The following RAB30 variants were observed in gnomAD, a reference collection of about 807,000 sequenced individuals.
The protein encoded by RAB30 is RAB30, member RAS oncogene family, also known as ras-related protein Rab-30.
Under a neutral mutation model 25.1 loss-of-function variants are expected in RAB30, and 9 were observed. The observed-to-expected ratio is 0.36, with a 90% CI of 0.22 to 0.63. The LOEUF (loss-of-function observed/expected upper bound fraction) is 0.63, where lower values mean the gene tolerates loss of function less well. Ranked by LOEUF, RAB30 falls within the 20% of genes least tolerant of loss-of-function variation. The pLI is 0.69. For synonymous variants in RAB30, 77 were observed against 86.4 expected (o/e 0.89, Z 0.60); for missense variants, 140 against 243.5 (o/e 0.58, Z 2.83).
At chr11:82,992,527 C>G (rs2121453096) in intron 3 of RAB30, 1 of 363,692 alleles carries the variant, frequency 2.7e-6, no homozygotes, top group Non-Finnish European at 5.5e-6. Context: ...CTGCTCTTCC[C>G]AAGGCACTCA....
At chr11:82,995,652 TG>T (rs1856941856) in intron 2 of RAB30, among the ~76,000 whole-genome samples, 1 of 152,236 alleles carries the variant, frequency 6.6e-6, no homozygotes, top group Non-Finnish European at 1.5e-5. Context: ...AAGAGCTTGT[TG>T]GCAAAAAATT....
chr11:83,043,231 C>G lies in RAB30; in HGVS notation c.-9+28460G>C, dbSNP rs75644035. Among the ~76,000 whole-genome samples the G allele has an allele frequency of 4.9e-3, 743 of 152,280 alleles. 21 individuals are homozygous for G. The East Asian group carries it at 0.054, about 11-fold the overall frequency. On this transcript the variant is annotated intron_variant, in intron 1 of 4. Coordinates refer to ENST00000527633, the MANE Select transcript of RAB30 (RefSeq NM_001286060.2). ...CCTTCCCATAAGCCATGGAAACAAGCCTGTTCTAGCCTGTTCTAGACCCCT... is the reference window on the plus strand; with the variant it reads ...CCTTCCCATAAGCCATGGAAACAAGGCTGTTCTAGCCTGTTCTAGACCCCT...
In RAB30 at chr11:83,012,130, T is replaced by C. The variant is rs114678624; in HGVS notation, c.-8-14806A>G. Among the ~76,000 whole-genome samples, 611 of 152,262 alleles carry C rather than the reference T, an allele frequency of 4.0e-3. 9 individuals are homozygous for C. The highest frequency in any genetic ancestry group is 0.014 in the African/African-American group (577 of 41,546). ...ATATGCATGTCTTCCAAAGACTCTG[T>C]CCTCTGTTCTAAGGATAGAGGAAAA... On this transcript the variant is annotated intron_variant, in intron 1 of 4. Transcript: ENST00000527633.
At chr11:83,069,671 C>G (rs967265499) in intron 1 of RAB30, among the ~76,000 whole-genome samples, 13 of 152,176 alleles carry the variant, frequency 8.5e-5, no homozygotes, top group East Asian at 5.8e-4. Context: ...CACTTGAAGA[C>G]TACTTATTCC....
chr11:83,049,241 T>C (rs1858300504), intron 1 of RAB30, among the ~76,000 whole-genome samples: 1 of 151,672 alleles, frequency 6.6e-6, no homozygotes, highest in African/African-American at 2.4e-5. Context: ...GAAACCCCCA[T>C]CTCTACTAAA....
At chr11:83,019,316 A>T (rs1857511459) in intron 1 of RAB30, among the ~76,000 whole-genome samples, 1 of 152,240 alleles carries the variant, frequency 6.6e-6, no homozygotes, top group African/African-American at 2.4e-5. Context: ...ATGAGCCACC[A>T]CACCAGGCCA....
At chr11:83,017,335 A>C (rs1857460512) in intron 1 of RAB30, among the ~76,000 whole-genome samples, 1 of 152,118 alleles carries the variant, frequency 6.6e-6, no homozygotes, top group African/African-American at 2.4e-5. Context: ...GAGACCCTGT[A>C]TCAAAATAAT....
intron 1 of RAB30, among the ~76,000 whole-genome samples, chr11:83,066,437 T>C (rs1234983416): frequency 6.6e-6 from 1 of 152,160 alleles, no homozygotes; most frequent in Non-Finnish European, 1.5e-5. Context: ...AATGATTTTT[T>C]TGAGAAACTG....
At position 82,987,687 on chromosome 11, in the gene RAB30, G is replaced by A; in HGVS notation, c.261C>T (p.Leu87=). Residue 87 remains leucine (L), a synonymous_variant, in exon 4 of 5, where the codon CTC becomes CTT. Coordinates refer to ENST00000527633, the MANE Select transcript of RAB30 (RefSeq NM_001286060.2). ...SYYRSANALI[L]TYDITCEESF... ...ATTCCTCACAGGTAATGTCATAGGTGAGGATCAAGGCATTGGCGCTTCGGT... is the reference window on the plus strand; with the variant it reads ...ATTCCTCACAGGTAATGTCATAGGTAAGGATCAAGGCATTGGCGCTTCGGT... The A allele has an allele frequency of 6.2e-7, 1 of 1,613,668 alleles. No homozygotes were observed. Among genetic ancestry groups the A allele is most frequent in the South Asian group, 1.1e-5 (1 of 91,044 alleles).
intron 1 of RAB30, among the ~76,000 whole-genome samples, chr11:83,063,002 C>CAAAA (rs34529308): frequency 2.9e-5 from 3 of 101,790 alleles, no homozygotes; most frequent in African/African-American, 6.5e-5. Context: ...GACTCCGTCT[C>CAAAA]AAAAAAAAAA....
chr11:83,051,223 A>C (rs567986360), intron 1 of RAB30, among the ~76,000 whole-genome samples: 1 of 152,326 alleles, frequency 6.6e-6, no homozygotes, highest in Admixed American at 6.5e-5. Flanking sequence ...AGATGGAAGG[A>C]GCCTGGGTGC....
chr11:83,041,312 C>A, intron 1 of RAB30: 1 of 181,218 alleles, frequency 5.5e-6, no homozygotes, highest in South Asian at 1.4e-4. Context: ...ATCACATGCT[C>A]CTGGTTCTAT....
At chr11:82,986,394 GAACT>G (rs1181899546) in intron 4 of RAB30, among the ~76,000 whole-genome samples, 7 of 152,254 alleles carry the variant, frequency 4.6e-5, no homozygotes, top group African/African-American at 9.6e-5. Flanking sequence ...CTTTCATATT[GAACT>G]AACTGTCTCC....
chr11:83,059,694 C>G (rs1358876416), intron 1 of RAB30, among the ~76,000 whole-genome samples: 1 of 152,172 alleles, frequency 6.6e-6, no homozygotes, highest in African/African-American at 2.4e-5. Context: ...GTTTCTGAGC[C>G]TTCATTTACT....
At chr11:83,053,557 A>C (rs1369463465) in intron 1 of RAB30, among the ~76,000 whole-genome samples, 2 of 151,986 alleles carry the variant, frequency 1.3e-5, no homozygotes, top group Non-Finnish European at 2.9e-5. Flanking sequence ...AGTTGTGAGC[A>C]TCTCCAATAA....
At chr11:83,032,876 A>C (rs1055499548) in intron 1 of RAB30, among the ~76,000 whole-genome samples, 1 of 151,994 alleles carries the variant, frequency 6.6e-6, no homozygotes, top group African/African-American at 2.4e-5. Context: ...AATTAAAATG[A>C]CTTTCTCATA....
chr11:82,998,408 T>G (rs1319756741), intron 1 of RAB30, among the ~76,000 whole-genome samples: 2 of 151,862 alleles, frequency 1.3e-5, no homozygotes, highest in Non-Finnish European at 2.9e-5. Context: ...ATTACCCAGG[T>G]GTGGTGGCGT....
intron 1 of RAB30, among the ~76,000 whole-genome samples, chr11:83,066,066 A>G (rs547576732): frequency 1.3e-5 from 2 of 152,190 alleles, no homozygotes; most frequent in African/African-American, 4.8e-5. Flanking sequence ...GGCTTCCTAT[A>G]AGGAAAAAAC....
chr11:83,061,191 C>T (rs1388257537), intron 1 of RAB30, among the ~76,000 whole-genome samples: 3 of 152,144 alleles, frequency 2.0e-5, no homozygotes, highest in East Asian at 1.9e-4. Context: ...ACGAGCCTAT[C>T]GCCCTAACAA....
Sources: allele counts gnomAD v4.1 joint callset (sites outside exome capture counted in the v4.1 genomes callset), GRCh38; gene constraint gnomAD v4.1.1; transcripts MANE v1.5; gene names NCBI Gene and HGNC (gene_info 2026-07-23, HGNC 2026-07-21).